The following F2 variants were observed in gnomAD, a reference collection of about 807,000 sequenced individuals.
F2 encodes coagulation factor II, thrombin, also known as prothrombin.
Under a neutral mutation model 81.9 loss-of-function variants are expected in F2, and 34 were observed. The observed-to-expected ratio is 0.42, with a 90% CI of 0.32 to 0.55. The LOEUF is 0.55. Among genes scored for constraint, F2 ranks in the 20% least tolerant of loss-of-function variants. The probability of loss-of-function intolerance (pLI) is 0.18; values close to 1 mark genes in which losing one functional copy is unlikely to be tolerated. For missense variants in F2, 630 were observed against 833.4 expected (o/e 0.76, Z 3.00); for synonymous variants, 296 against 326.4 (o/e 0.91, Z 1.01).
intron 11 of F2, 120 bp from the exon 12 acceptor site, chr11:46,729,259 CG>C: frequency 8.8e-7 from 1 of 1,133,594 alleles, no homozygotes. Context: ...AGACCACAGG[CG>C]TGAACGTCTG....
intron 12 of F2, among the ~76,000 whole-genome samples, chr11:46,730,803 T>C (rs1411628833): frequency 2.0e-5 from 3 of 150,358 alleles, no homozygotes; most frequent in Non-Finnish European, 4.4e-5. Context: ...TATATATGCA[T>C]AGTTTGAGAG....
At chr11:46,736,984 T>A (rs1017245238) in intron 12 of F2, among the ~76,000 whole-genome samples, 1 of 152,214 alleles carries the variant, frequency 6.6e-6, no homozygotes, top group Non-Finnish European at 1.5e-5. Flanking sequence ...TATTGTATCT[T>A]TCTTGACTGC....
intron 6 of F2, among the ~76,000 whole-genome samples, chr11:46,725,644 A>G (rs939511532): frequency 1.3e-5 from 2 of 152,182 alleles, no homozygotes; most frequent in African/African-American, 4.8e-5. Flanking sequence ...TATGTGCCAG[A>G]CACTTATGCT....
In F2 at chr11:46,739,267, C is replaced by T; in HGVS notation, c.1728C>T (p.Ser576=). ...GDSGGPFVMK[S]PFNNRWYQMG... ...GAAACCTCATCTTTCTTCTTCAGAG[C>T]CCCTTTAACAACCGCTGGTATCAAA... The change falls in exon 14 of 14, where the codon AGC becomes AGT. Residue 576 remains serine, a splice_region_variant and synonymous_variant. Coordinates refer to ENST00000311907, the MANE Select transcript of F2 (RefSeq NM_000506.5). The T allele has an allele frequency of 6.2e-7, 1 of 1,614,124 alleles. No homozygotes were observed. The highest frequency in any genetic ancestry group is 1.1e-5 in the South Asian group (1 of 91,078).
At position 46,723,141 on chromosome 11, in the gene F2, C is replaced by G. The variant is rs757920265; in HGVS notation, c.317-39C>G. 3 of 1,582,976 alleles carry G rather than the reference C, an allele frequency of 1.9e-6. No homozygotes were observed. The highest frequency in any genetic ancestry group is 2.6e-6 in the Non-Finnish European group (3 of 1,152,174). ...CTTTGCAGGGAGAGAGGAAATAAGT[C>G]CCCAGGCTCCAAGGCTGACCGGGGT... On this transcript the variant is annotated intron_variant, in intron 4 of 13. Coordinates refer to ENST00000311907, the MANE Select transcript of F2 (RefSeq NM_000506.5). The surrounding 1 kb of genome is among the most constrained non-coding windows in gnomAD (Gnocchi z 5.6).
At chr11:46,727,682 G>A (rs891629082) in intron 9 of F2, among the ~76,000 whole-genome samples, 8 of 152,156 alleles carry the variant, frequency 5.3e-5, no homozygotes, top group African/African-American at 1.9e-4. Context: ...GGAGGCTGAG[G>A]CGGGAGGATC....
intron 12 of F2, 97 bp downstream of exon 12, chr11:46,729,658 C>T (rs2064898717): frequency 7.1e-7 from 1 of 1,414,708 alleles, no homozygotes; most frequent in Non-Finnish European, 9.7e-7. Context: ...GAGCAAGTTG[C>T]CTAACCTCTT....
In F2 at chr11:46,726,562, G is replaced by C. The variant is rs2064875142; in HGVS notation, c.939G>C (p.Gly313=). 6.2e-7 allele frequency: 1 copy of C among 1,614,128 alleles called. No homozygotes were observed. Among genetic ancestry groups the C allele is most frequent in the East Asian group, 2.2e-5 (1 of 44,878 alleles). Residue 313 remains glycine, a synonymous_variant, in exon 8 of 14, where the codon GGG becomes GGC. Coordinates refer to ENST00000311907, the MANE Select transcript of F2 (RefSeq NM_000506.5). This position sits in a 1 kb window ranked among gnomAD's most constrained non-coding sequence, Gnocchi z 5.9. ...AGGACTCAGACAGGGCCATCGAAGG[G>C]CGTACCGCCACCAGTGAGTACCAGA... The part of the protein sequence containing the change: ...LDEDSDRAIE[G]RTATSEYQTF...
rs1218112310 is a variant in F2 at position 46,729,407 on chromosome 11, G to A, written c.1500G>A (p.Arg500=). 6.2e-7 allele frequency: 1 copy of A among 1,614,124 alleles called. No individual in the cohort carries two copies. The highest frequency in any genetic ancestry group is 1.7e-5 in the Admixed American group (1 of 60,024). The change falls in exon 12 of 14, where the codon CGG becomes CGA. Residue 500 remains arginine, a synonymous_variant. Transcript: ENST00000311907. ...TGCTCCAGGCTGGATACAAGGGGCG[G>A]GTGACAGGCTGGGGCAACCTGAAGG... The part of the protein sequence containing the change: ...ASLLQAGYKG[R]VTGWGNLKET...
intron 3 of F2, 66 bp from the exon 4 acceptor site, chr11:46,720,724 C>T: frequency 1.3e-6 from 2 of 1,580,556 alleles, no homozygotes; most frequent in Admixed American, 1.7e-5. Context: ...ACATCCCATC[C>T]ACCCTGACTC....
Position 46,728,543 on chromosome 11 carries a change from C to G in F2, c.1299-121C>G, listed in dbSNP as rs768434085. Reference sequence around the variant, plus strand: ...GGGGGCTGCCATGGCAGGAACCAGCCCTATCCCCTCCCTGGTGGCCTGCAG... The same window carrying G: ...GGGGGCTGCCATGGCAGGAACCAGCGCTATCCCCTCCCTGGTGGCCTGCAG... On this transcript the variant is annotated intron_variant, in intron 10 of 13. Coordinates refer to ENST00000311907, the MANE Select transcript of F2 (RefSeq NM_000506.5). This position sits in a 1 kb window ranked among gnomAD's most constrained non-coding sequence, Gnocchi z 5.1. 4 of 1,146,428 alleles carry G rather than the reference C, an allele frequency of 3.5e-6. No homozygotes were observed. Among genetic ancestry groups the G allele is most frequent in the Non-Finnish European group, 5.2e-6 (4 of 775,092 alleles). The allele number at this position is 1,146,428 out of a possible 1,614,324, so 71.0% of individuals were successfully genotyped here. A position where few individuals can be genotyped will look rare whatever the true frequency, so the allele number is the denominator to read the frequency against.
intron 12 of F2, among the ~76,000 whole-genome samples, chr11:46,730,822 G>A (rs2064906569): frequency 7.4e-6 from 1 of 135,642 alleles, no homozygotes; most frequent in Non-Finnish European, 1.7e-5. Flanking sequence ...AGCAAATCAT[G>A]AATATGGTTT....
intron 4 of F2, among the ~76,000 whole-genome samples, chr11:46,722,576 A>G (rs879765653): frequency 6.6e-6 from 1 of 152,240 alleles, no homozygotes; most frequent in African/African-American, 2.4e-5. Context: ...CAACAGAACA[A>G]GACTCATCTC....
chr11:46,730,028 C>A (rs993515522), intron 12 of F2, among the ~76,000 whole-genome samples: 1 of 152,028 alleles, frequency 6.6e-6, no homozygotes, highest in Non-Finnish European at 1.5e-5. Context: ...GGAGAGAGAA[C>A]GGCTGATGAA....
chr11:46,729,456 A>G lies in F2; in HGVS notation c.1549A>G (p.Lys517Glu), dbSNP rs951121398. The G allele has an allele frequency of 8.1e-6, 13 of 1,614,106 alleles. No individual in the cohort carries two copies. The highest frequency in any genetic ancestry group is 8.5e-6 in the Non-Finnish European group (10 of 1,180,008). ...GGAGACGTGGACAGCCAACGTTGGT[A>G]AGGGGCAGCCCAGTGTCCTGCAGGT... is the stretch of plus-strand genomic sequence containing the variant. ...LKETWTANVGKGQPSVLQVVN... is the reference protein window; with the variant it reads ...LKETWTANVGEGQPSVLQVVN... The change falls in exon 12 of 14, where the codon AAG (lysine) becomes GAG (glutamate). Residue 517 changes from lysine to glutamate, a missense_variant. Physicochemically the swap from Lys to Glu is moderately conservative, Grantham distance 56. Transcript: ENST00000311907.
chr11:46,735,615 CCT>C (rs1373850465), intron 12 of F2, among the ~76,000 whole-genome samples: 2 of 141,352 alleles, frequency 1.4e-5, no homozygotes, highest in Non-Finnish European at 3.1e-5. Context: ...AGAGTGAGAC[CCT>C]GTTTCTATTA....
Position 46,722,529 on chromosome 11 carries a change from A to C in F2, c.317-651A>C, listed in dbSNP as rs542372149. On this transcript the variant is annotated intron_variant, in intron 4 of 13. Transcript: ENST00000311907. ...CTTGAATCTGGGAGGCAGAGGTTGC[A>C]GTGAGCTGAGATCATGCCACTGCAC... 6.6e-5 allele frequency among the ~76,000 whole-genome samples: 10 copies of C among 152,364 alleles called. 1 individual carries two copies. In the South Asian group the frequency reaches 1.7e-3, roughly 25 times the overall value.
intron 12 of F2, among the ~76,000 whole-genome samples, chr11:46,734,720 A>C (rs952206104): frequency 6.6e-6 from 1 of 152,110 alleles, no homozygotes; most frequent in Non-Finnish European, 1.5e-5. Flanking sequence ...CTGAGGCTGG[A>C]GAATTGCTTG....
At chr11:46,727,582 A>T (rs1276709581) in intron 9 of F2, among the ~76,000 whole-genome samples, 1 of 151,932 alleles carries the variant, frequency 6.6e-6, no homozygotes, top group South Asian at 2.1e-4. Context: ...GTTCGAGGCC[A>T]GCCTGGGCAA....
Sources: allele counts gnomAD v4.1 joint callset (sites outside exome capture counted in the v4.1 genomes callset), GRCh38; gene constraint gnomAD v4.1.1; non-coding constraint Gnocchi (gnomAD v3.1); transcripts MANE v1.5; gene names NCBI Gene and HGNC (gene_info 2026-07-23, HGNC 2026-07-21).